Variants in ZNF696 observed in about 807,000 individuals in gnomAD.
ZNF696 encodes the protein zinc finger protein 696.
ZNF696 carries 10 observed loss-of-function variants against 12.3 expected under a neutral mutation model. The ratio of observed to expected loss-of-function variants is 0.81; its 90% CI spans 0.50 to 1.38. ZNF696 has a LOEUF of 1.38. Among genes scored for constraint, ZNF696 ranks in the 40% most tolerant of loss-of-function variants. The pLI is 0.00. For synonymous variants in ZNF696, 304 were observed against 243.9 expected, an observed-to-expected ratio of 1.25 and a Z score of -2.29; for missense variants, 675 against 554.7, an observed-to-expected ratio of 1.22 and a Z score of -2.18.
chr8:143,297,090 A>C lies in ZNF696; in HGVS notation c.*290A>C, dbSNP rs1815734766. The C allele has an allele frequency of 3.0e-6, 1 of 329,586 alleles. No individual in the cohort carries two copies. Among genetic ancestry groups the C allele is most frequent in the Non-Finnish European group, 5.5e-6 (1 of 182,120 alleles). 20.4% of individuals were successfully genotyped at this position (329,586 alleles called of 1,614,324 possible). A position where few individuals can be genotyped will look rare whatever the true frequency, so the allele number is the denominator to read the frequency against. On this transcript the variant is annotated 3_prime_UTR_variant, in exon 3 of 3. Coordinates refer to ENST00000330143, the MANE Select transcript of ZNF696 (RefSeq NM_030895.3). ...CCGCCTCTGAGACTCCCCGCCTCCCACGGTCAGCTGCTGCGGGGCAGTGGC... is the reference window on the plus strand; with the variant it reads ...CCGCCTCTGAGACTCCCCGCCTCCCCCGGTCAGCTGCTGCGGGGCAGTGGC...
rs765080475 is a variant in ZNF696, at chr8:143,296,013, G to C, written c.338G>C (p.Gly113Ala). ...GACGTCCCTCCGAACGCAGGCCCCG[G>C]CGCAGAGGGCGGGGGCAGCTGGAAG... ...ESDVPPNAGPGAEGGGSWKGR... is the reference protein window; with the variant it reads ...ESDVPPNAGPAAEGGGSWKGR... The change falls in exon 3 of 3, where the codon GGC becomes GCC. Residue 113 changes from glycine (G) to alanine (A), a missense_variant. Gly to Ala is a moderately conservative substitution (Grantham distance 60). Coordinates refer to ENST00000330143, the MANE Select transcript of ZNF696 (RefSeq NM_030895.3). The C allele has an allele frequency of 2.5e-6, 4 of 1,595,820 alleles. No homozygotes were observed. The South Asian group carries it at 3.4e-5, about 13-fold the overall frequency.
In ZNF696 at chr8:143,296,748, T is replaced by G; in HGVS notation, c.1073T>G (p.Phe358Cys). 5.4e-6 allele frequency: 8 copies of G among 1,485,066 alleles called. No homozygotes were observed. The highest frequency in any genetic ancestry group is 7.1e-6 in the Non-Finnish European group (8 of 1,127,758). The allele number at this position is 1,485,066 out of a possible 1,614,324, so 92.0% of individuals were successfully genotyped here. A position where few individuals can be genotyped will look rare whatever the true frequency, so the allele number is the denominator to read the frequency against. Residue 358 changes from phenylalanine to cysteine, a missense_variant, in exon 3 of 3, where the codon TTC (phenylalanine) becomes TGC (cysteine). Physicochemically the swap from Phe to Cys is radical, Grantham distance 205. Transcript: ENST00000330143. ...CGCTGCACCGAGTGCGGCCGCGCCT[T>G]CCGCCTGAGCTTCCACCTCATCCAG... ...PFRCTECGRA[F>C]RLSFHLIQHR...
chr8:143,296,305 G>A lies in ZNF696; in HGVS notation c.630G>A (p.Ala210=). Residue 210 remains alanine (A), a synonymous_variant, in exon 3 of 3, where the codon GCG becomes GCA. Transcript: ENST00000330143. ...TGCACACGGGCGAGAAGCCCTACGC[G>A]TGCGCCGACTGCGGCAAGGCCTTCG... ...QRVHTGEKPY[A]CADCGKAFGQ... 6.3e-7 allele frequency: 1 copy of A among 1,575,938 alleles called. No homozygotes were observed. The highest frequency in any genetic ancestry group is 8.6e-7 in the Non-Finnish European group (1 of 1,167,474).
chr8:143,296,562 A>G lies in ZNF696; in HGVS notation c.887A>G (p.Gln296Arg), dbSNP rs547770903. The G allele has an allele frequency of 3.1e-4, 493 of 1,596,216 alleles. No individual in the cohort carries two copies. Among genetic ancestry groups the G allele is most frequent in the Non-Finnish European group, 4.0e-4 (469 of 1,176,198 alleles). The change falls in exon 3 of 3, where the codon CAG (glutamine) becomes CGG (arginine). Residue 296 changes from glutamine to arginine, a missense_variant. By Grantham distance (43) the Gln-to-Arg change is conservative (BLOSUM62 1). Transcript: ENST00000330143. Reference protein sequence around the residue: ...VHTGERPFACQDCGRAFSRSS... With the variant: ...VHTGERPFACRDCGRAFSRSS... Reference sequence around the variant, plus strand: ...ACGGGGGAGCGGCCCTTCGCCTGCCAGGACTGCGGCCGCGCCTTCAGCCGC... The same window carrying G: ...ACGGGGGAGCGGCCCTTCGCCTGCCGGGACTGCGGCCGCGCCTTCAGCCGC...
At chr8:143,292,668 C>G in intron 1 of ZNF696, among the ~76,000 whole-genome samples, 1 of 152,252 alleles carries the variant, frequency 6.6e-6, no homozygotes, top group East Asian at 1.9e-4. Flanking sequence ...CGGGCTTCCT[C>G]AGCATGGAGC....
In ZNF696 at chr8:143,296,373, G is replaced by A. The variant is rs745728675; in HGVS notation, c.698G>A (p.Gly233Glu). The A allele has an allele frequency of 1.3e-6, 2 of 1,595,168 alleles. No individual in the cohort carries two copies. The highest frequency in any genetic ancestry group is 1.7e-5 in the Admixed American group (1 of 58,778). ...DAAKHRRTHTGERLYACGECG... is the reference protein window; with the variant it reads ...DAAKHRRTHTEERLYACGECG... The stretch of plus-strand genomic sequence containing the variant: ...GCCAAGCACCGCCGCACCCACACCG[G>A]GGAGAGGCTGTACGCGTGCGGCGAG... The change falls in exon 3 of 3, where the codon GGG (glycine) becomes GAG (glutamate). Residue 233 changes from glycine to glutamate, a missense_variant. Gly to Glu is a moderately conservative substitution (Grantham distance 98). Transcript: ENST00000330143.
At position 143,296,836 on chromosome 8, in the gene ZNF696, G is replaced by A. The variant is rs1328426102; in HGVS notation, c.*36G>A. The A allele has an allele frequency of 1.5e-6, 2 of 1,374,110 alleles. No individual in the cohort carries two copies. The highest frequency in any genetic ancestry group is 3.7e-5 in the Admixed American group (1 of 26,902). The allele number at this position is 1,374,110 out of a possible 1,614,324, so 85.1% of individuals were successfully genotyped here. A position where few individuals can be genotyped will look rare whatever the true frequency, so the allele number is the denominator to read the frequency against. On this transcript the variant is annotated 3_prime_UTR_variant, in exon 3 of 3. Coordinates refer to ENST00000330143, the MANE Select transcript of ZNF696 (RefSeq NM_030895.3). Reference sequence around the variant, plus strand: ...CGGCGGAAGAGATGCCGGCGGCCTGGTGGGCGCGAGGCCGAGGCCGGGGGA... The same window carrying A: ...CGGCGGAAGAGATGCCGGCGGCCTGATGGGCGCGAGGCCGAGGCCGGGGGA...
rs955957720 is a variant in ZNF696 at position 143,298,600 on chromosome 8, G to A, written c.*1800G>A. Among the ~76,000 whole-genome samples, 2 of 152,190 alleles carry A rather than the reference G, an allele frequency of 1.3e-5. No individual in the cohort carries two copies. The highest frequency in any genetic ancestry group is 4.8e-5 in the African/African-American group (2 of 41,448). ...TGAGGGCCAACAGAAACAGCAGGCA[G>A]CCGCTGTCAGCCACAAAGAAACGCA... On this transcript the variant is annotated 3_prime_UTR_variant, in exon 3 of 3. Coordinates refer to ENST00000330143, the MANE Select transcript of ZNF696 (RefSeq NM_030895.3).
rs1480681058 is a variant in ZNF696, at chr8:143,296,662, G to A, written c.987G>A (p.Ala329=). The A allele has an allele frequency of 2.5e-6, 4 of 1,572,086 alleles. No individual in the cohort carries two copies. The highest frequency in any genetic ancestry group is 3.4e-6 in the Non-Finnish European group (4 of 1,166,640). ...KPHQCGHCGR[A]FRALSGFFRH... is the part of the protein sequence containing the mutation. ...ACCAGTGCGGCCACTGCGGGCGCGC[G>A]TTCCGGGCGCTGTCGGGCTTCTTCC... Residue 329 remains alanine, a synonymous_variant, in exon 3 of 3, where the codon GCG becomes GCA. Coordinates refer to ENST00000330143, the MANE Select transcript of ZNF696 (RefSeq NM_030895.3).
chr8:143,292,274 T>C (rs1815636443), intron 1 of ZNF696: 1 of 152,278 alleles, frequency 6.6e-6, no homozygotes, highest in Non-Finnish European at 1.5e-5. Context: ...CATTTCTTAA[T>C]TGCACTTGAG....
rs982647641 is a variant in ZNF696, at chr8:143,291,430, T to A, written c.-368T>A. On this transcript the variant is annotated 5_prime_UTR_variant, in exon 1 of 3. Coordinates refer to ENST00000330143, the MANE Select transcript of ZNF696 (RefSeq NM_030895.3). ...GGGGCGGGGACCGTAGCGGGTGCAG[T>A]CCAGCTGCTCTGGACGCTGAGGCCC... 1.0e-6 allele frequency: 1 copy of A among 985,830 alleles called. No homozygotes were observed. The highest frequency in any genetic ancestry group is 1.7e-5 in the African/African-American group (1 of 57,236). The allele number at this position is 985,830 out of a possible 1,614,324, so 61.1% of individuals were successfully genotyped here. A position where few individuals can be genotyped will look rare whatever the true frequency, so the allele number is the denominator to read the frequency against.
At position 143,291,512 on chromosome 8, in the gene ZNF696, G is replaced by A. The variant is rs1052352108; in HGVS notation, c.-286G>A. 26 of 984,286 alleles carry A rather than the reference G, an allele frequency of 2.6e-5. No homozygotes were observed. In the African/African-American group the frequency reaches 3.7e-4, roughly 14 times the overall value. The allele number at this position is 984,286 out of a possible 1,614,324, so 61.0% of individuals were successfully genotyped here. On this transcript the variant is annotated 5_prime_UTR_variant, in exon 1 of 3. Coordinates refer to ENST00000330143, the MANE Select transcript of ZNF696 (RefSeq NM_030895.3). ...GGGCTGAGGGCGCGGCCGAGAGAAC[G>A]GGGCGGTCACCGCCGCCGTGGCCCG...
rs781179297 is a variant in ZNF696 at position 143,296,264 on chromosome 8, C to G, written c.589C>G (p.Leu197Val). ...GGCCTTCGGCCAGAGCTTCAACCTCCTCCGGCACCAGCGCGTGCACACGGG... is the reference window on the plus strand; with the variant it reads ...GGCCTTCGGCCAGAGCTTCAACCTCGTCCGGCACCAGCGCGTGCACACGGG... ...GKAFGQSFNL[L>V]RHQRVHTGEK... The change falls in exon 3 of 3, where the codon CTC becomes GTC. Residue 197 changes from leucine (L) to valine (V), a missense_variant. Physicochemically the swap from Leu to Val is conservative, Grantham distance 32 (BLOSUM62 1). Transcript: ENST00000330143. 1 of 1,597,812 alleles carries G rather than the reference C, an allele frequency of 6.3e-7. No homozygotes were observed. The highest frequency in any genetic ancestry group is 8.5e-7 in the Non-Finnish European group (1 of 1,175,866).
In ZNF696 at chr8:143,295,834, C is replaced by G. The variant is rs1344233466; in HGVS notation, c.159C>G (p.Gly53=). Residue 53 remains glycine, a synonymous_variant, in exon 3 of 3, where the codon GGC becomes GGG. Coordinates refer to ENST00000330143, the MANE Select transcript of ZNF696 (RefSeq NM_030895.3). ...GCACGGAGCCTGCCGCAGAGGCAGG[C>G]GCTCCCGAGGGAGAGGGCCACAGAG... The part of the protein sequence containing the change: ...AQSTEPAAEA[G]APEGEGHRGG... 5 of 1,590,564 alleles carry G rather than the reference C, an allele frequency of 3.1e-6. No individual in the cohort carries two copies. Among genetic ancestry groups the G allele is most frequent in the East Asian group, 2.3e-5 (1 of 44,246 alleles).
Position 143,296,503 on chromosome 8 carries a change from G to C in ZNF696, c.828G>C (p.Gln276His), listed in dbSNP as rs1399153438. The part of the protein sequence containing the change: ...ECRECGQAFS[Q>H]SSNLLQHQRV... Reference sequence around the variant, plus strand: ...GGGAGTGCGGCCAGGCCTTCAGCCAGAGCTCCAACCTCCTCCAGCACCAGC... The same window carrying C: ...GGGAGTGCGGCCAGGCCTTCAGCCACAGCTCCAACCTCCTCCAGCACCAGC... Residue 276 changes from glutamine to histidine, a missense_variant, in exon 3 of 3, where the codon CAG (glutamine) becomes CAC (histidine). Transcript: ENST00000330143. The C allele has an allele frequency of 1.2e-6, 2 of 1,608,300 alleles. No individual in the cohort carries two copies. Among genetic ancestry groups the C allele is most frequent in the Non-Finnish European group, 8.5e-7 (1 of 1,179,248 alleles).
In ZNF696 at chr8:143,297,017, G is replaced by A; in HGVS notation, c.*217G>A. 2 of 472,678 alleles carry A rather than the reference G, an allele frequency of 4.2e-6. No homozygotes were observed. The highest frequency in any genetic ancestry group is 7.1e-6 in the Non-Finnish European group (2 of 283,378). The allele number at this position is 472,678 out of a possible 1,614,324, so 29.3% of individuals were successfully genotyped here. A position where few individuals can be genotyped will look rare whatever the true frequency, so the allele number is the denominator to read the frequency against. Reference sequence around the variant, plus strand: ...AAGGCGAGCGCTGCCCGCGGGAGGCGATTCCCAGAGGCGGGGAGGTCTCAG... The same window carrying A: ...AAGGCGAGCGCTGCCCGCGGGAGGCAATTCCCAGAGGCGGGGAGGTCTCAG... On this transcript the variant is annotated 3_prime_UTR_variant, in exon 3 of 3. Transcript: ENST00000330143.
Position 143,297,254 on chromosome 8 carries a change from C to T in ZNF696, c.*454C>T, listed in dbSNP as rs1815737787. On this transcript the variant is annotated 3_prime_UTR_variant, in exon 3 of 3. Coordinates refer to ENST00000330143, the MANE Select transcript of ZNF696 (RefSeq NM_030895.3). ...GGGCGCCCAGACAGGGCATGGAAGC[C>T]TCGCGTCCTCCCCCGTACCTTGCGG... 6.0e-6 allele frequency: 1 copy of T among 165,906 alleles called. No individual in the cohort carries two copies. Among genetic ancestry groups the T allele is most frequent in the African/African-American group, 2.4e-5 (1 of 42,008 alleles). 10.3% of individuals were successfully genotyped at this position (165,906 alleles called of 1,614,324 possible).
intron 2 of ZNF696, among the ~76,000 whole-genome samples, chr8:143,295,187 G>T (rs75683637): frequency 0.015 from 2,301 of 152,242 alleles, 65 homozygotes; most frequent in African/African-American, 0.052. Flanking sequence ...TCCCGTCCTG[G>T]CTTGCTGCCA....
rs1332329702 is a variant in ZNF696 at position 143,298,322 on chromosome 8, G to T, written c.*1522G>T. 3.9e-5 allele frequency among the ~76,000 whole-genome samples: 6 copies of T among 152,192 alleles called. No homozygotes were observed. The highest frequency in any genetic ancestry group is 1.2e-4 in the African/African-American group (5 of 41,416). On this transcript the variant is annotated 3_prime_UTR_variant, in exon 3 of 3. Transcript: ENST00000330143. The stretch of plus-strand genomic sequence containing the variant: ...AAATGCATGAGCTTAGGGTTGTGCA[G>T]CCTGTAGGGGCAGGGGTGGTCTCAG...
Sources: allele counts gnomAD v4.1 joint callset (sites outside exome capture counted in the v4.1 genomes callset), GRCh38; gene constraint gnomAD v4.1.1; transcripts MANE v1.5; gene names NCBI Gene and HGNC (gene_info 2026-07-23, HGNC 2026-07-21).